The following CNTLN variants were observed in gnomAD, a reference collection of about 807,000 sequenced individuals.
CNTLN encodes centlein, also known as centlein, centrosomal protein.
A neutral mutation model predicts 180.0 loss-of-function variants in CNTLN; 212 were observed. That is an observed-to-expected ratio of 1.18 (90% CI 1.05 to 1.32). CNTLN has a LOEUF of 1.32. Among genes scored for constraint, CNTLN ranks in the 40% most tolerant of loss-of-function variants. CNTLN has a pLI of 0.00. For synonymous variants in CNTLN, 722 were observed against 563.1 expected (o/e 1.28, Z -3.99); for missense variants, 2,095 against 1,610.9 (o/e 1.30, Z -5.14).
intron 6 of CNTLN, among the ~76,000 whole-genome samples, chr9:17,296,543 G>A (rs1329311593): frequency 1.3e-5 from 2 of 152,020 alleles, no homozygotes; most frequent in Non-Finnish European, 2.9e-5. Flanking sequence ...CCTGGCTAAC[G>A]TATCTTAACT....
intron 5 of CNTLN, among the ~76,000 whole-genome samples, chr9:17,244,024 C>A (rs900724010): frequency 6.6e-6 from 1 of 151,844 alleles, no homozygotes; most frequent in African/African-American, 2.4e-5. Context: ...TTGTTATATT[C>A]TTTTGCTGAA....
chr9:17,468,551 T>G (rs1831879471), intron 23 of CNTLN, among the ~76,000 whole-genome samples: 1 of 151,594 alleles, frequency 6.6e-6, no homozygotes, highest in Non-Finnish European at 1.5e-5. Flanking sequence ...TATATAATTA[T>G]GAGATTTATT....
chr9:17,326,899 G>A, intron 8 of CNTLN, among the ~76,000 whole-genome samples: 1 of 151,894 alleles, frequency 6.6e-6, no homozygotes, highest in East Asian at 1.9e-4. Flanking sequence ...GGAGATATAG[G>A]AACTAAATGT....
At chr9:17,508,860 A>T (rs1052178870), downstream of CNTLN, among the ~76,000 whole-genome samples, 2 of 152,228 alleles carry the variant, frequency 1.3e-5, no homozygotes, top group African/African-American at 4.8e-5. Context: ...AAGGTCAGGG[A>T]CTAGGAAAGA....
At chr9:17,366,578 CAA>C (rs759697970) in intron 12 of CNTLN, 37 bp from the exon 13 acceptor site, 6 of 989,574 alleles carry the variant, frequency 6.1e-6, no homozygotes, top group East Asian at 5.0e-5. Context: ...TTAAATAAAA[CAA>C]TATGGTTTTA....
chr9:17,519,594 A>G, the CNTLN span, among the ~76,000 whole-genome samples: 1 of 152,140 alleles, frequency 6.6e-6, no homozygotes, highest in Non-Finnish European at 1.5e-5. Context: ...ACTTGCCAGG[A>G]CTGAGGGCTC....
chr9:17,274,459 A>G (rs1040115544), intron 6 of CNTLN, among the ~76,000 whole-genome samples: 1 of 125,616 alleles, frequency 8.0e-6, no homozygotes, highest in African/African-American at 2.9e-5. Flanking sequence ...ATCAATATCT[A>G]TCTATCTATC....
At chr9:17,215,465 AG>A (rs1823674463) in intron 2 of CNTLN, among the ~76,000 whole-genome samples, 1 of 145,960 alleles carries the variant, frequency 6.9e-6, no homozygotes, top group Non-Finnish European at 1.5e-5. Context: ...TGCCCCTACT[AG>A]GGGGTGCCTC....
chr9:17,212,383 C>G (rs1282704190), intron 2 of CNTLN, among the ~76,000 whole-genome samples: 1 of 152,160 alleles, frequency 6.6e-6, no homozygotes, highest in Non-Finnish European at 1.5e-5. Flanking sequence ...GTTGAACCAG[C>G]CTTGCATCCT....
chr9:17,495,001 C>G (rs1044238511), intron 25 of CNTLN: 4 of 438,804 alleles, frequency 9.1e-6, no homozygotes, highest in African/African-American at 2.1e-5. Flanking sequence ...GCCTCAGCCT[C>G]CTGAGTAGCT....
intron 2 of CNTLN, among the ~76,000 whole-genome samples, chr9:17,169,277 T>A (rs1161413570): frequency 1.3e-5 from 2 of 152,126 alleles, no homozygotes; most frequent in African/African-American, 4.8e-5. Context: ...GGGTTACAGG[T>A]CTGAGCCACC....
At chr9:17,363,663 T>G (rs1823584337) in intron 12 of CNTLN, among the ~76,000 whole-genome samples, 1 of 152,112 alleles carries the variant, frequency 6.6e-6, no homozygotes, top group Non-Finnish European at 1.5e-5. Context: ...CTTGAAATGT[T>G]TAACTATGGT....
intron 23 of CNTLN, among the ~76,000 whole-genome samples, chr9:17,481,534 C>T (rs577408130): frequency 6.6e-6 from 1 of 152,282 alleles, no homozygotes; most frequent in East Asian, 1.9e-4. Context: ...AGCCAATGAC[C>T]CCACCCAACT....
At chr9:17,218,403 C>G (rs1823908260) in intron 2 of CNTLN, among the ~76,000 whole-genome samples, 1 of 151,844 alleles carries the variant, frequency 6.6e-6, no homozygotes, top group African/African-American at 2.4e-5. Context: ...ATTTTTGCAA[C>G]CTCTTTTTCA....
At chr9:17,135,682 T>A (rs1306301292) in intron 1 of CNTLN, among the ~76,000 whole-genome samples, 1 of 152,130 alleles carries the variant, frequency 6.6e-6, no homozygotes, top group Non-Finnish European at 1.5e-5. Context: ...TTTGGTCACT[T>A]GGATACTCGC....
At chr9:17,260,151 G>A (rs866635762) in intron 5 of CNTLN, among the ~76,000 whole-genome samples, 11 of 147,426 alleles carry the variant, frequency 7.5e-5, no homozygotes, top group Non-Finnish European at 1.2e-4. Context: ...CTTTGAATGC[G>A]TCCCAGAGAT....
rs187357712 is a variant in CNTLN at position 17,174,865 on chromosome 9, C to A, written c.449+31489C>A. On this transcript the variant is annotated intron_variant, in intron 2 of 25. Coordinates refer to ENST00000380647, the MANE Select transcript of CNTLN (RefSeq NM_017738.4). ...GCCATTCTGCTGATGTATAGTTATA[C>A]CTCATTGAAGTTTTAATTTGCATTT... is the stretch of plus-strand genomic sequence containing the variant. Among the ~76,000 whole-genome samples the A allele has an allele frequency of 2.2e-3, 337 of 152,240 alleles. 2 individuals are homozygous for A. The highest frequency in any genetic ancestry group is 2.6e-3 in the Admixed American group (40 of 15,298).
intron 7 of CNTLN, among the ~76,000 whole-genome samples, chr9:17,303,852 A>C (rs918572646): frequency 1.3e-5 from 2 of 152,282 alleles, no homozygotes; most frequent in African/African-American, 2.4e-5. Context: ...ATTGGGATTT[A>C]GCTCTAAGAC....
chr9:17,298,640 A>G (rs2132795948), intron 7 of CNTLN: 2 of 1,042,058 alleles, frequency 1.9e-6, no homozygotes, highest in Non-Finnish European at 2.3e-6. Flanking sequence ...ACATACTAGG[A>G]GTATAGTCTC....
Sources: allele counts gnomAD v4.1 joint callset (sites outside exome capture counted in the v4.1 genomes callset), GRCh38; gene constraint gnomAD v4.1.1; transcripts MANE v1.5; gene names NCBI Gene and HGNC (gene_info 2026-07-23, HGNC 2026-07-21).